The following DNAH3 variants were observed in gnomAD, a reference collection of about 807,000 sequenced individuals.
DNAH3 encodes axonemal beta dynein heavy chain 3.
DNAH3 carries 332 observed loss-of-function variants against 432.5 expected under a neutral mutation model. That is an observed-to-expected ratio of 0.77 (90% CI 0.70 to 0.84). DNAH3 has a LOEUF of 0.84. Ranked by LOEUF, DNAH3 falls within the 40% of genes least tolerant of loss-of-function variation. DNAH3 has a pLI of 0.00. For synonymous variants in DNAH3, 1,956 were observed against 1,900.2 expected (o/e 1.03, Z -0.76); for missense variants, 4,861 against 5,114.0 (o/e 0.95, Z 1.51).
At chr16:20,962,458 T>C (rs1567534219) in intron 53 of DNAH3, among the ~76,000 whole-genome samples, 2 of 152,194 alleles carry the variant, frequency 1.3e-5, no homozygotes, top group South Asian at 2.1e-4. Flanking sequence ...TCACATCAGG[T>C]GAAAAGCTGG....
At chr16:21,006,058 T>C (rs2152696203) in intron 41 of DNAH3, among the ~76,000 whole-genome samples, 1 of 152,328 alleles carries the variant, frequency 6.6e-6, no homozygotes, top group African/African-American at 2.4e-5. Flanking sequence ...ATTTATACTA[T>C]TGATTGGAGT....
At chr16:20,993,395 C>A (rs2086637387) in intron 44 of DNAH3, among the ~76,000 whole-genome samples, 1 of 152,138 alleles carries the variant, frequency 6.6e-6, no homozygotes, top group South Asian at 2.1e-4. Flanking sequence ...TCTCCACAGT[C>A]ATTTTGATTA....
intron 55 of DNAH3, among the ~76,000 whole-genome samples, chr16:20,954,589 C>T (rs1245606419): frequency 6.6e-6 from 1 of 151,996 alleles, no homozygotes; most frequent in Admixed American, 6.6e-5. Context: ...CACGCCCAGC[C>T]AGGTTGTCAG....
intron 49 of DNAH3, 33 bp downstream of exon 49, chr16:20,982,688 T>C (rs1284894538): frequency 1.9e-6 from 3 of 1,557,200 alleles, no homozygotes; most frequent in Non-Finnish European, 2.6e-6. Flanking sequence ...AAATTTGGAA[T>C]ATCTAGAGTC....
In DNAH3 at chr16:21,140,547, A is replaced by AT. The variant is rs767225045; in HGVS notation, c.684dup (p.Ser229IlefsTer22). 2.5e-6 allele frequency: 4 copies of AT among 1,614,036 alleles called. No individual in the cohort carries two copies. Among genetic ancestry groups the AT allele is most frequent in the Admixed American group, 3.3e-5 (2 of 60,006 alleles). On this transcript the variant is annotated frameshift_variant, in exon 5 of 62. Coordinates refer to ENST00000261383, the Ensembl canonical transcript of DNAH3. LOFTEE classifies it high-confidence loss of function. The stretch of plus-strand genomic sequence containing the variant: ...CAACAGGAACGTACCTCCAGGTCCG[A>AT]TTCAGATGGCTTCTTTTCTTTACTT...
Position 21,133,000 on chromosome 16 carries a change from A to G in DNAH3, c.1082+1259T>C, listed in dbSNP as rs533534762. ...CGGAGTTTCGCAAATTTAATTATTG[A>G]TAAATATACCTGAGAGATCACTGCT... On this transcript the variant is annotated intron_variant, in intron 7 of 61. Coordinates refer to ENST00000261383, the Ensembl canonical transcript of DNAH3. Among the ~76,000 whole-genome samples, 139 of 151,038 alleles carry G rather than the reference A, an allele frequency of 9.2e-4. 1 individual carries two copies. Among genetic ancestry groups the G allele is most frequent in the Middle Eastern group, 6.9e-3 (2 of 290 alleles).
intron 8 of DNAH3, 22 bp downstream of exon 9, chr16:21,127,665 C>T: frequency 6.2e-7 from 1 of 1,613,528 alleles, no homozygotes; most frequent in Non-Finnish European, 8.5e-7. Context: ...GGTGCAGCCC[C>T]ACTTGGAGGG....
intron 3 of DNAH3, 142 bp downstream of exon 4, chr16:21,145,039 G>A (rs2092764993): frequency 3.0e-6 from 2 of 667,960 alleles, no homozygotes; most frequent in Non-Finnish European, 5.1e-6. Context: ...TTGAATCCGG[G>A]AGGCGGAGGT....
rs55797285 is a variant in DNAH3, at chr16:21,040,358, ATTTTTTT to A, written c.4639-422_4639-416del. On this transcript the variant is annotated intron_variant, in intron 32 of 61. Transcript: ENST00000261383. ...TCAGAAGAATCCCAAAGCCAGACAG[ATTTTTTT>A]TTTTTTTTTTTTTTTTTTTTTAAGA... is the stretch of plus-strand genomic sequence containing the variant. Among the ~76,000 whole-genome samples the A allele has an allele frequency of 4.1e-4, 33 of 79,744 alleles. 2 individuals are homozygous for A. In the South Asian group the frequency reaches 0.013, roughly 32 times the overall value. The allele number at this position is 79,744 out of a possible 152,430, so 52.3% of individuals were successfully genotyped here. A position where few individuals can be genotyped will look rare whatever the true frequency, so the allele number is the denominator to read the frequency against.
chr16:21,108,906 G>A (rs2092006511), intron 14 of DNAH3, among the ~76,000 whole-genome samples: 1 of 152,090 alleles, frequency 6.6e-6, no homozygotes, highest in South Asian at 2.1e-4. Flanking sequence ...CAGATCACCT[G>A]AGATCAGGAG....
At chr16:21,005,307 C>T (rs891941925) in intron 41 of DNAH3, among the ~76,000 whole-genome samples, 18 of 147,840 alleles carry the variant, frequency 1.2e-4, no homozygotes, top group Non-Finnish European at 2.7e-4. Flanking sequence ...TCCTTCCCTC[C>T]TTCCCTCCCT....
chr16:20,963,611 G>A (rs750674790), exon 53 of DNAH3: 10 of 1,613,850 alleles, frequency 6.2e-6, no homozygotes, highest in South Asian at 1.1e-5. Context: ...GCAGATGCAC[G>A]GACAATCTCT....
chr16:20,942,907 ATTG>A (rs1363627219), intron 58 of DNAH3, among the ~76,000 whole-genome samples: 1 of 151,674 alleles, frequency 6.6e-6, no homozygotes, highest in Non-Finnish European at 1.5e-5. Flanking sequence ...GTTTTTTTTC[ATTG>A]TTGTTGTTAC....
intron 51 of DNAH3, among the ~76,000 whole-genome samples, chr16:20,973,747 T>A (rs1462770177): frequency 1.3e-5 from 2 of 152,250 alleles, no homozygotes; most frequent in East Asian, 3.8e-4. Flanking sequence ...CAAGCGGGTT[T>A]CCTCTAGGTT....
exon 23 of DNAH3, chr16:21,069,583 T>C: frequency 6.2e-7 from 1 of 1,611,046 alleles, no homozygotes; most frequent in Non-Finnish European, 8.5e-7. Context: ...GAATTAGCTT[T>C]TCTTCCCATT....
At chr16:20,988,532 A>G (rs1339946644) in intron 44 of DNAH3, among the ~76,000 whole-genome samples, 2 of 152,322 alleles carry the variant, frequency 1.3e-5, no homozygotes, top group African/African-American at 4.8e-5. Flanking sequence ...CTCCAGCCTC[A>G]GCCTCCAGAG....
chr16:21,028,632 C>T (rs567046511), intron 37 of DNAH3, among the ~76,000 whole-genome samples: 2 of 141,356 alleles, frequency 1.4e-5, no homozygotes, highest in South Asian at 4.5e-4. Flanking sequence ...TCATCCTGGA[C>T]AACAGAGGGA....
At position 20,975,166 on chromosome 16, in the gene DNAH3, G is replaced by A. The variant is rs574615753; in HGVS notation, c.8259+67C>T. On this transcript the variant is annotated intron_variant, in intron 51 of 61. Transcript: ENST00000261383. ...TTTCTGAGCCTCACTTTTCTCATCCGTAAGATGGGTATAACCACGCTCATT... is the reference window on the plus strand; with the variant it reads ...TTTCTGAGCCTCACTTTTCTCATCCATAAGATGGGTATAACCACGCTCATT... 66 of 1,558,094 alleles carry A rather than the reference G, an allele frequency of 4.2e-5. 1 individual carries two copies. The Middle Eastern group carries it at 7.1e-4, about 17-fold the overall frequency.
intron 46 of DNAH3, 110 bp downstream of exon 46, chr16:20,987,583 T>C: frequency 6.6e-7 from 1 of 1,526,574 alleles, no homozygotes; most frequent in Non-Finnish European, 8.9e-7. Context: ...GCACAATGCC[T>C]AGCATAGACT....
Sources: allele counts gnomAD v4.1 joint callset (sites outside exome capture counted in the v4.1 genomes callset), GRCh38; gene constraint gnomAD v4.1.1; transcripts MANE v1.5; gene names NCBI Gene and HGNC (gene_info 2026-07-23, HGNC 2026-07-21).